Variants in DOCK10 observed in about 807,000 individuals in gnomAD.
DOCK10 encodes the protein dedicator of cytokinesis 10, also known as dedicator of cytokinesis protein 10.
DOCK10 carries 145 observed loss-of-function variants against 280.1 expected under a neutral mutation model. The observed-to-expected ratio is 0.52, with a 90% CI of 0.45 to 0.59. DOCK10 has a LOEUF of 0.59. Among genes scored for constraint, DOCK10 ranks in the 20% least tolerant of loss-of-function variants. The pLI is 0.00. For synonymous variants in DOCK10, 915 were observed against 942.2 expected (o/e 0.97, Z 0.53); for missense variants, 2,368 against 2,651.7 (o/e 0.89, Z 2.35).
intron 1 of DOCK10, among the ~76,000 whole-genome samples, chr2:224,987,710 T>C (rs1193399316): frequency 6.6e-6 from 1 of 152,142 alleles, no homozygotes; most frequent in Non-Finnish European, 1.5e-5. Flanking sequence ...CTCTCCCTGA[T>C]CCCAGGGCCA....
chr2:224,837,919 G>A (rs1454116154), intron 24 of DOCK10, 88 bp from the exon 25 acceptor site: 6 of 1,015,622 alleles, frequency 5.9e-6, no homozygotes, highest in Non-Finnish European at 9.2e-6. Flanking sequence ...TGTAAATTGG[G>A]TATTTAATAA....
intron 19 of DOCK10, among the ~76,000 whole-genome samples, chr2:224,847,563 A>T (rs1045774529): frequency 3.9e-5 from 6 of 152,336 alleles, no homozygotes; most frequent in African/African-American, 1.2e-4. Flanking sequence ...AAGAATATTA[A>T]TTTTTTTAAA....
At chr2:224,807,811 T>C (rs762918228) in intron 32 of DOCK10, 27 bp from the exon 33 acceptor site, 3 of 1,564,950 alleles carry the variant, frequency 1.9e-6, no homozygotes, top group South Asian at 2.3e-5. Context: ...CCAAAAGAAA[T>C]GATTCATGTA....
At chr2:224,777,851 CT>C (rs1391154323) in intron 51 of DOCK10, among the ~76,000 whole-genome samples, 2 of 152,200 alleles carry the variant, frequency 1.3e-5, no homozygotes, top group Non-Finnish European at 2.9e-5. Context: ...AATTCCACCA[CT>C]GAGCCCAATT....
intron 1 of DOCK10, among the ~76,000 whole-genome samples, chr2:224,936,296 G>A (rs1475947379): frequency 7.2e-5 from 11 of 152,070 alleles, no homozygotes; most frequent in Non-Finnish European, 1.6e-4. Context: ...TGGAAAACAC[G>A]AAGTGGCTGG....
chr2:224,924,212 T>C (rs1469812299), intron 2 of DOCK10, among the ~76,000 whole-genome samples: 1 of 152,206 alleles, frequency 6.6e-6, no homozygotes, highest in African/African-American at 2.4e-5. Context: ...ATATAACTGA[T>C]CTGTCATAAA....
intron 1 of DOCK10, among the ~76,000 whole-genome samples, chr2:224,974,819 A>AAT (rs148414737): frequency 0.052 from 6,837 of 132,304 alleles, 500 homozygotes; most frequent in East Asian, 0.086. Context: ...TTATATATAT[A>AAT]ATATATATAT....
Position 224,830,591 on chromosome 2 carries a change from T to C in DOCK10, c.2986A>G (p.Ile996Val). ...TGCTGTGCCATCGATTTTAGGATAA[T>C]TGCAAAGAAGAACCAGGAATGCTGT... ...VLKHSWFFFA[I>V]ILKSMAQHLI... Residue 996 changes from isoleucine to valine, a missense_variant, in exon 27 of 56, where the codon ATT becomes GTT. Ile to Val is a conservative substitution (Grantham distance 29). Transcript: ENST00000258390. 1 of 1,535,638 alleles carries C rather than the reference T, an allele frequency of 6.5e-7. No individual in the cohort carries two copies. Among genetic ancestry groups the C allele is most frequent in the South Asian group, 1.3e-5 (1 of 74,428 alleles).
intron 1 of DOCK10, among the ~76,000 whole-genome samples, chr2:225,023,397 C>T (rs2106106426): frequency 1.3e-5 from 2 of 152,204 alleles, no homozygotes; most frequent in Middle Eastern, 3.4e-3. Flanking sequence ...GAATGCAAAT[C>T]TCCCAAGTAT....
chr2:224,797,772 A>G (rs897091736), intron 42 of DOCK10, 60 bp downstream of exon 42: 7 of 1,550,346 alleles, frequency 4.5e-6, no homozygotes, highest in Non-Finnish European at 6.1e-6. Context: ...CTATAGGTTT[A>G]CTATTCTATG....
intron 15 of DOCK10, among the ~76,000 whole-genome samples, chr2:224,856,201 T>G (rs1250638345): frequency 3.9e-5 from 6 of 152,236 alleles, no homozygotes; most frequent in African/African-American, 1.4e-4. Context: ...AATAATTTAA[T>G]GTCAGCGTTG....
At chr2:224,941,768 C>G (rs956098515) in intron 1 of DOCK10, among the ~76,000 whole-genome samples, 1 of 150,758 alleles carries the variant, frequency 6.6e-6, no homozygotes, top group Non-Finnish European at 1.5e-5. Context: ...CTCTTGAACC[C>G]GGGAGGCAGA....
intron 50 of DOCK10, among the ~76,000 whole-genome samples, chr2:224,782,165 T>C (rs1691390896): frequency 6.6e-6 from 1 of 152,162 alleles, no homozygotes; most frequent in South Asian, 2.1e-4. Flanking sequence ...GACTTTCCTA[T>C]AGGTGGAGAG....
At chr2:224,983,168 A>C (rs1204923818) in intron 1 of DOCK10, among the ~76,000 whole-genome samples, 3 of 152,198 alleles carry the variant, frequency 2.0e-5, no homozygotes, top group Non-Finnish European at 4.4e-5. Context: ...AGCAGCTGTA[A>C]AGCATTTTAA....
At chr2:225,022,005 TTAG>T (rs1288549120) in intron 1 of DOCK10, among the ~76,000 whole-genome samples, 1 of 152,204 alleles carries the variant, frequency 6.6e-6, no homozygotes, top group African/African-American at 2.4e-5. Context: ...GCTTTTCTAT[TTAG>T]TAGGTGGCAA....
intron 1 of DOCK10, among the ~76,000 whole-genome samples, chr2:224,960,299 C>T (rs895337602): frequency 7.2e-5 from 11 of 152,156 alleles, no homozygotes; most frequent in Non-Finnish European, 1.3e-4. Flanking sequence ...TCTTTATTTT[C>T]CTTGACCTAG....
rs998694442 is a variant in DOCK10, at chr2:224,807,925, G to T, written c.3571C>A (p.Arg1191=). The change falls in exon 32 of 56, where the codon CGA becomes AGA. Residue 1191 remains arginine (R), a synonymous_variant. Coordinates refer to ENST00000258390, the MANE Select transcript of DOCK10 (RefSeq NM_014689.3). ...NLMAKHSFDD[R]YREPRKQAQI... ...AGATCACTTACTGGCTCTCTGTATCGATCATCAAATGAATGCTTAGCCATT... is the reference window on the plus strand; with the variant it reads ...AGATCACTTACTGGCTCTCTGTATCTATCATCAAATGAATGCTTAGCCATT... 1.9e-6 allele frequency: 3 copies of T among 1,612,138 alleles called. No homozygotes were observed. The highest frequency in any genetic ancestry group is 2.5e-6 in the Non-Finnish European group (3 of 1,178,954).
At position 224,997,217 on chromosome 2, in the gene DOCK10, C is replaced by CCCTT. The variant is rs112083031; in HGVS notation, c.123+45031_123+45034dup. On this transcript the variant is annotated intron_variant, in intron 1 of 55. Transcript: ENST00000258390. ...CCCTCCCTCCCTCCCTTCCCTCCCT[C>CCCTT]CCTTCCTTCCTTCCTTCCTTCCTTC... is the stretch of plus-strand genomic sequence containing the variant. Among the ~76,000 whole-genome samples, 1,324 of 146,640 alleles carry CCCTT rather than the reference C, an allele frequency of 9.0e-3. 12 individuals are homozygous for CCCTT. Among genetic ancestry groups the CCCTT allele is most frequent in the South Asian group, 0.017 (77 of 4,466 alleles).
intron 30 of DOCK10, 80 bp from the exon 31 acceptor site, chr2:224,814,444 T>A: frequency 1.4e-6 from 1 of 697,884 alleles, no homozygotes. Context: ...GTGTAGTTTA[T>A]ACTGAACAAT....
Sources: gnomAD v4.1 joint callset for allele counts (sites outside exome capture counted in the v4.1 genomes callset) on GRCh38, gnomAD v4.1.1 for gene constraint, MANE v1.5 for transcripts, NCBI Gene and HGNC (gene_info 2026-07-23, HGNC 2026-07-21) for gene names.